Variants in IQUB observed in about 807,000 individuals in gnomAD.
The protein encoded by IQUB is IQ motif and ubiquitin-like domain-containing protein.
A neutral mutation model predicts 86.4 loss-of-function variants in IQUB; 86 were observed. That is an observed-to-expected ratio of 1.00 (90% CI 0.84 to 1.19). The LOEUF (loss-of-function observed/expected upper bound fraction) is 1.19. Ranked by LOEUF, IQUB falls within the 50% of genes most tolerant of loss-of-function variation. IQUB has a pLI of 0.00. For missense variants in IQUB, 946 were observed against 916.9 expected, an observed-to-expected ratio of 1.03 and a Z score of -0.41; for synonymous variants, 289 against 304.5, an observed-to-expected ratio of 0.95 and a Z score of 0.53.
At position 123,502,627 on chromosome 7, in the gene IQUB, T is replaced by C; in HGVS notation, c.993A>G (p.Ala331=). The C allele has an allele frequency of 1.2e-6, 2 of 1,612,192 alleles. No homozygotes were observed. Among genetic ancestry groups the C allele is most frequent in the South Asian group, 1.1e-5 (1 of 90,382 alleles). Residue 331 remains alanine, a synonymous_variant, in exon 6 of 13, where the codon GCA becomes GCG. Transcript: ENST00000324698. ...KLVTPGKYFS[A]AEYHAQRLKA... ...TTAGTCTTTGAGCATGGTATTCTGC[T>C]GCTGAAAAATACTTTCCTGGTGTTA...
intron 9 of IQUB, among the ~76,000 whole-genome samples, chr7:123,468,945 TA>T (rs1166906761): frequency 6.6e-6 from 1 of 152,230 alleles, no homozygotes; most frequent in Non-Finnish European, 1.5e-5. Context: ...ATGTAGATTA[TA>T]ATTGCTGTTT....
chr7:123,525,014 C>G (rs1015383000), intron 1 of IQUB, among the ~76,000 whole-genome samples: 1 of 152,078 alleles, frequency 6.6e-6, no homozygotes, highest in Admixed American at 6.5e-5. Flanking sequence ...TATTGATTTG[C>G]GTATATTGAA....
intron 8 of IQUB, among the ~76,000 whole-genome samples, chr7:123,475,567 TG>T (rs1187071287): frequency 6.6e-6 from 1 of 152,078 alleles, no homozygotes; most frequent in African/African-American, 2.4e-5. Context: ...ACATGGGGAC[TG>T]GGGTAGGGAA....
intron 1 of IQUB, among the ~76,000 whole-genome samples, chr7:123,528,002 G>T (rs1327817302): frequency 6.6e-6 from 1 of 152,222 alleles, no homozygotes; most frequent in African/African-American, 2.4e-5. Flanking sequence ...GCCGGGTGGG[G>T]GATATAATCT....
chr7:123,502,880 G>A, intron 5 of IQUB, 64 bp downstream of exon 5: 1 of 1,438,648 alleles, frequency 7.0e-7, no homozygotes, highest in Non-Finnish European at 9.5e-7. Context: ...ATTTGAGAGA[G>A]TCATACAGTA....
At chr7:123,509,750 T>C in intron 3 of IQUB, 151 bp downstream of exon 3, 2 of 666,816 alleles carry the variant, frequency 3.0e-6, no homozygotes, top group East Asian at 5.4e-5. Flanking sequence ...AAGTATGTCC[T>C]TACTAAATAT....
chr7:123,503,037 A>T lies in IQUB; in HGVS notation c.774T>A (p.His258Gln). The change falls in exon 5 of 13, where the codon CAT becomes CAA. Residue 258 changes from histidine to glutamine, a missense_variant. His to Gln is a conservative substitution (Grantham distance 24). Coordinates refer to ENST00000324698, the MANE Select transcript of IQUB (RefSeq NM_178827.5). The part of the protein sequence containing the change: ...FHKPFLGGFR[H>Q]KVTGVEYHNA... Reference sequence around the variant, plus strand: ...TGTGATACTCTACTCCTGTTACTTTATGTCTGAATCCACCAAGAAATGGTT... The same window carrying T: ...TGTGATACTCTACTCCTGTTACTTTTTGTCTGAATCCACCAAGAAATGGTT... 1 of 1,613,220 alleles carries T rather than the reference A, an allele frequency of 6.2e-7. No individual in the cohort carries two copies. Among genetic ancestry groups the T allele is most frequent in the Non-Finnish European group, 8.5e-7 (1 of 1,179,418 alleles).
chr7:123,472,967 C>G (rs541766719), intron 8 of IQUB, among the ~76,000 whole-genome samples: 11 of 152,172 alleles, frequency 7.2e-5, no homozygotes, highest in African/African-American at 2.7e-4. Flanking sequence ...AGCACAGACC[C>G]TGGAAGAGAG....
At chr7:123,519,544 G>A (rs1214863914) in intron 1 of IQUB, among the ~76,000 whole-genome samples, 1 of 152,130 alleles carries the variant, frequency 6.6e-6, no homozygotes, top group African/African-American at 2.4e-5. Flanking sequence ...AATAAGCAAG[G>A]CACAGAAAGA....
intron 7 of IQUB, among the ~76,000 whole-genome samples, chr7:123,489,135 G>T (rs1226937361): frequency 1.3e-5 from 2 of 152,192 alleles, no homozygotes; most frequent in Non-Finnish European, 1.5e-5. Flanking sequence ...GTGGGATGCG[G>T]ACCTATGTAT....
At chr7:123,524,239 A>C (rs2117342850) in intron 1 of IQUB, among the ~76,000 whole-genome samples, 1 of 144,628 alleles carries the variant, frequency 6.9e-6, no homozygotes, top group African/African-American at 2.5e-5. Flanking sequence ...AATTCTGTGA[A>C]GAAAGTCATT....
At chr7:123,489,466 T>G (rs1795363189) in intron 7 of IQUB, among the ~76,000 whole-genome samples, 1 of 152,056 alleles carries the variant, frequency 6.6e-6, no homozygotes, top group African/African-American at 2.4e-5. Flanking sequence ...GAATGTAGAC[T>G]TCTCAAGAAA....
At chr7:123,528,523 G>A (rs1049955657) in intron 1 of IQUB, among the ~76,000 whole-genome samples, 1 of 152,166 alleles carries the variant, frequency 6.6e-6, no homozygotes, top group African/African-American at 2.4e-5. Context: ...AATCCAGGCA[G>A]TCTGGATCCA....
In IQUB at chr7:123,511,934, T is replaced by A; in HGVS notation, c.397+10A>T. 6.4e-7 allele frequency: 1 copy of A among 1,573,558 alleles called. No individual in the cohort carries two copies. Among genetic ancestry groups the A allele is most frequent in the Non-Finnish European group, 8.7e-7 (1 of 1,153,290 alleles). ...AGAAAATGAAATAGCCTATCTTCCTTAGGTAGTACCTGTTGCTAGAGAATC... is the reference window on the plus strand; with the variant it reads ...AGAAAATGAAATAGCCTATCTTCCTAAGGTAGTACCTGTTGCTAGAGAATC... On this transcript the variant is annotated intron_variant, in intron 2 of 12. Coordinates refer to ENST00000324698, the MANE Select transcript of IQUB (RefSeq NM_178827.5).
intron 2 of IQUB, among the ~76,000 whole-genome samples, chr7:123,511,052 A>G (rs1051286503): frequency 3.9e-5 from 6 of 152,280 alleles, no homozygotes; most frequent in African/African-American, 1.2e-4. Flanking sequence ...TTAAATACTA[A>G]AATTGAGAGA....
intron 1 of IQUB, among the ~76,000 whole-genome samples, chr7:123,525,132 T>A (rs1190559616): frequency 3.4e-4 from 52 of 152,342 alleles, no homozygotes; most frequent in Admixed American, 1.8e-3. Flanking sequence ...TTTGCATCAA[T>A]GTTCATCAAG....
At chr7:123,507,225 A>G (rs1278078132) in intron 3 of IQUB, among the ~76,000 whole-genome samples, 1 of 152,240 alleles carries the variant, frequency 6.6e-6, no homozygotes, top group Non-Finnish European at 1.5e-5. Flanking sequence ...CACATTTAGT[A>G]GAAACCACAC....
intron 12 of IQUB, among the ~76,000 whole-genome samples, chr7:123,456,920 G>A (rs1353801383): frequency 6.6e-6 from 1 of 152,072 alleles, no homozygotes; most frequent in Non-Finnish European, 1.5e-5. Flanking sequence ...AAATTTGAGA[G>A]TTGGGTGTTT....
intron 8 of IQUB, among the ~76,000 whole-genome samples, chr7:123,478,569 A>G (rs1259098996): frequency 6.6e-6 from 1 of 152,166 alleles, no homozygotes; most frequent in East Asian, 1.9e-4. Flanking sequence ...TTAAAGTGTA[A>G]TAAAAAAAAG....
Sources: allele counts gnomAD v4.1 joint callset (sites outside exome capture counted in the v4.1 genomes callset), GRCh38; gene constraint gnomAD v4.1.1; transcripts MANE v1.5; gene names NCBI Gene and HGNC (gene_info 2026-07-23, HGNC 2026-07-21).